Variants in DGKZ observed in about 807,000 individuals in gnomAD.
DGKZ encodes the protein diacylglycerol kinase zeta, also known as DAG kinase zeta.
Under a neutral mutation model 142.5 loss-of-function variants are expected in DGKZ, and 45 were observed. That is an observed-to-expected ratio of 0.32 (90% CI 0.25 to 0.40). DGKZ has a LOEUF of 0.40. Among genes scored for constraint, DGKZ ranks in the 10% least tolerant of loss-of-function variants. DGKZ has a pLI of 1.00. For missense variants in DGKZ, 755 were observed against 1,306.5 expected, an observed-to-expected ratio of 0.58 and a Z score of 6.51; for synonymous variants, 442 against 527.0, an observed-to-expected ratio of 0.84 and a Z score of 2.21.
intron 1 of DGKZ, chr11:46,338,495 CAAAAAAAAAAAAAAA>C (rs11337933): frequency 1.7e-4 from 3 of 18,154 alleles, no homozygotes; most frequent in Non-Finnish European, 4.9e-4. Context: ...AACTCCATCT[CAAAAAAAAAAAAAAA>C]AAAAAAAAAA....
intron 24 of DGKZ, chr11:46,376,862 C>T (rs1944604159): frequency 3.1e-6 from 2 of 635,478 alleles, no homozygotes; most frequent in Non-Finnish European, 5.5e-6. Flanking sequence ...GCATTCTGGT[C>T]AGGCGCCAGC....
chr11:46,373,229 G>A (rs1944158908), intron 14 of DGKZ, 128 bp downstream of exon 14: 4 of 1,058,018 alleles, frequency 3.8e-6, no homozygotes, highest in Non-Finnish European at 5.2e-6. Flanking sequence ...TTCCTTGTAC[G>A]ATGGGAATAA....
intron 9 of DGKZ, 126 bp downstream of exon 9, chr11:46,371,901 CTG>C (rs1943990682): frequency 2.3e-6 from 3 of 1,302,696 alleles, no homozygotes; most frequent in Non-Finnish European, 2.2e-6. Context: ...TCTGGGGCCT[CTG>C]AGGAAGGCAG....
upstream of DGKZ, among the ~76,000 whole-genome samples, chr11:46,345,059 C>A (rs565240017): frequency 1.2e-4 from 18 of 152,358 alleles, no homozygotes; most frequent in African/African-American, 4.3e-4. The surrounding 1 kb of genome is among the most constrained non-coding windows in gnomAD (Gnocchi z 4.1). Context: ...GGGCTGGGCA[C>A]ACCCAGCCAT....
At chr11:46,337,487 G>A (rs1940071431) in intron 1 of DGKZ, among the ~76,000 whole-genome samples, 1 of 151,740 alleles carries the variant, frequency 6.6e-6, no homozygotes, top group Admixed American at 6.6e-5. Flanking sequence ...GTAGAGACGG[G>A]GTTTCGCCAT....
At chr11:46,338,114 C>T (rs1940098275) in intron 1 of DGKZ, among the ~76,000 whole-genome samples, 1 of 152,238 alleles carries the variant, frequency 6.6e-6, no homozygotes, top group Admixed American at 6.5e-5. Context: ...TCTGCTAAAA[C>T]TTTATTCATA....
At chr11:46,361,209 TG>T (rs1305948113) in intron 1 of DGKZ, among the ~76,000 whole-genome samples, 18 of 152,230 alleles carry the variant, frequency 1.2e-4, no homozygotes, top group African/African-American at 4.1e-4. Context: ...TCAGAAAACC[TG>T]TCCAGTGGGC....
At chr11:46,350,376 C>T (rs1306860255) in intron 1 of DGKZ, among the ~76,000 whole-genome samples, 5 of 152,140 alleles carry the variant, frequency 3.3e-5, no homozygotes, top group African/African-American at 1.2e-4. Context: ...TTGTTGCAGC[C>T]TCAGGTAAAA....
chr11:46,345,274 C>CGGAAG (rs1940500340), upstream of DGKZ: 1 of 1,359,290 alleles, frequency 7.4e-7, no homozygotes, highest in African/African-American at 1.5e-5. The surrounding 1 kb of genome is among the most constrained non-coding windows in gnomAD (Gnocchi z 4.1). Context: ...GGCAGCTGGC[C>CGGAAG]CCAGCCAGCG....
At chr11:46,345,362 C>A, upstream of DGKZ, 1 of 1,399,286 alleles carries the variant, frequency 7.1e-7, no homozygotes, top group Non-Finnish European at 9.2e-7. This position sits in a 1 kb window ranked among gnomAD's most constrained non-coding sequence, Gnocchi z 4.1. Flanking sequence ...CCCCTCGACC[C>A]CACCCCCGTC....
upstream of DGKZ, among the ~76,000 whole-genome samples, chr11:46,342,605 CT>C (rs1364223567): frequency 6.6e-6 from 1 of 150,582 alleles, no homozygotes; most frequent in Non-Finnish European, 1.5e-5. Flanking sequence ...TAGAACCCAT[CT>C]TGAGGCATTC....
intron 1 of DGKZ, among the ~76,000 whole-genome samples, chr11:46,337,689 T>A (rs1834141369): frequency 6.6e-6 from 1 of 151,842 alleles, no homozygotes; most frequent in Admixed American, 6.6e-5. Flanking sequence ...CTCTCCCAGG[T>A]AATTTTGACA....
chr11:46,361,719 C>A, intron 1 of DGKZ: 1 of 967,928 alleles, frequency 1.0e-6, no homozygotes, highest in Non-Finnish European at 1.2e-6. Flanking sequence ...CAAAAGGGGC[C>A]CCCAGCCCCT....
chr11:46,333,336 G>C (rs1420385521), exon 1 of DGKZ: 2 of 1,345,678 alleles, frequency 1.5e-6, no homozygotes, highest in South Asian at 1.9e-5. Context: ...CGGCCGGGCA[G>C]CCGAGGAGGA....
At position 46,347,678 on chromosome 11, in the gene DGKZ, A is replaced by C; in HGVS notation, c.19A>C (p.Ser7Arg). 1 of 1,443,638 alleles carries C rather than the reference A, an allele frequency of 6.9e-7. No individual in the cohort carries two copies. Among genetic ancestry groups the C allele is most frequent in the Admixed American group, 2.6e-5 (1 of 38,872 alleles). The allele number at this position is 1,443,638 out of a possible 1,614,324, so 89.4% of individuals were successfully genotyped here. ...GGGCCGGATGGAGCCGCGGGACGGTAGCCCCGAGGCCCGGAGCAGCGACTC... is the reference window on the plus strand; with the variant it reads ...GGGCCGGATGGAGCCGCGGGACGGTCGCCCCGAGGCCCGGAGCAGCGACTC... The change falls in exon 1 of 31, where the codon AGC (serine) becomes CGC (arginine). Residue 7 changes from serine to arginine, a missense_variant. Coordinates refer to ENST00000527911, the Ensembl canonical transcript of DGKZ. This position sits in a 1 kb window ranked among gnomAD's most constrained non-coding sequence, Gnocchi z 6.4.
upstream of DGKZ, chr11:46,345,722 G>A: frequency 2.3e-6 from 2 of 874,572 alleles, no homozygotes; most frequent in Non-Finnish European, 3.3e-6. The surrounding 1 kb of genome is among the most constrained non-coding windows in gnomAD (Gnocchi z 4.1). Context: ...GTAGGGCAAA[G>A]GAGTTATTGG....
At chr11:46,358,693 T>C (rs1942306025) in intron 1 of DGKZ, among the ~76,000 whole-genome samples, 1 of 152,222 alleles carries the variant, frequency 6.6e-6, no homozygotes, top group African/African-American at 2.4e-5. Flanking sequence ...AAATAAGTAA[T>C]AAAATATTTG....
chr11:46,379,403 C>T (rs1944954635), intron 29 of DGKZ, 66 bp from the exon 30 acceptor site: 1 of 1,583,016 alleles, frequency 6.3e-7, no homozygotes, highest in Non-Finnish European at 8.6e-7. Flanking sequence ...TTCTGATGGC[C>T]CTTGGGAGAC....
intron 1 of DGKZ, among the ~76,000 whole-genome samples, chr11:46,359,595 ATTTATT>A (rs1942408045): frequency 6.6e-6 from 1 of 151,358 alleles, no homozygotes; most frequent in African/African-American, 2.4e-5. Context: ...TTATATTTAT[ATTTATT>A]TATATTTATT....
Sources: gnomAD v4.1 joint callset for allele counts (sites outside exome capture counted in the v4.1 genomes callset) on GRCh38, gnomAD v4.1.1 for gene constraint, Gnocchi (gnomAD v3.1) non-coding constraint, MANE v1.5 for transcripts, NCBI Gene and HGNC (gene_info 2026-07-23, HGNC 2026-07-21) for gene names.